The following BCAR3 variants were observed in gnomAD, a reference collection of about 807,000 sequenced individuals.
BCAR3 encodes breast cancer anti-estrogen resistance protein 3.
BCAR3 carries 37 observed loss-of-function variants against 80.1 expected under a neutral mutation model. The ratio of observed to expected loss-of-function variants is 0.46; its 90% CI spans 0.36 to 0.61. The LOEUF is 0.61. Among genes scored for constraint, BCAR3 ranks in the 20% least tolerant of loss-of-function variants. BCAR3 has a pLI of 0.00. For synonymous variants in BCAR3, 389 were observed against 418.9 expected (o/e 0.93, Z 0.87); for missense variants, 978 against 1,068.2 (o/e 0.92, Z 1.18).
intron 3 of BCAR3, among the ~76,000 whole-genome samples, chr1:93,622,378 G>A (rs1480297487): frequency 6.6e-6 from 1 of 152,204 alleles, no homozygotes; most frequent in Non-Finnish European, 1.5e-5. Flanking sequence ...GAAGCACGGA[G>A]AACACCTGGT....
intron 3 of BCAR3, among the ~76,000 whole-genome samples, chr1:93,699,073 A>G (rs1649538423): frequency 6.6e-6 from 1 of 152,136 alleles, no homozygotes; most frequent in African/African-American, 2.4e-5. Flanking sequence ...TGCTGTACAT[A>G]TATGTTCATA....
At chr1:93,624,452 A>G (rs1377711020) in intron 3 of BCAR3, among the ~76,000 whole-genome samples, 1 of 152,194 alleles carries the variant, frequency 6.6e-6, no homozygotes, top group Non-Finnish European at 1.5e-5. Flanking sequence ...GAAGTTTGGG[A>G]GCCCCTGCTC....
chr1:93,796,816 T>G (rs1031926263), intron 2 of BCAR3, among the ~76,000 whole-genome samples: 2 of 152,242 alleles, frequency 1.3e-5, no homozygotes, highest in African/African-American at 4.8e-5. Flanking sequence ...GACAGAACAA[T>G]TCTTCCTGAA....
intron 2 of BCAR3, among the ~76,000 whole-genome samples, chr1:93,731,947 G>T (rs945074491): frequency 2.0e-5 from 3 of 152,208 alleles, no homozygotes; most frequent in African/African-American, 7.2e-5. Flanking sequence ...TAGAAGCAGA[G>T]GCCCCGTGGG....
At chr1:93,612,402 A>G (rs1337546003) in intron 3 of BCAR3, among the ~76,000 whole-genome samples, 2 of 152,138 alleles carry the variant, frequency 1.3e-5, no homozygotes, top group Non-Finnish European at 1.5e-5. Context: ...CGACTACCCC[A>G]TATATTAAGT....
chr1:93,764,480 C>T (rs1338434461), intron 2 of BCAR3, among the ~76,000 whole-genome samples: 1 of 152,118 alleles, frequency 6.6e-6, no homozygotes, highest in African/African-American at 2.4e-5. Flanking sequence ...AGGCACCAAG[C>T]CCTACAGAGT....
At chr1:93,588,949 T>G in intron 5 of BCAR3, 28 bp downstream of exon 5, 3 of 1,520,946 alleles carry the variant, frequency 2.0e-6, no homozygotes, top group Non-Finnish European at 2.6e-6. Context: ...GCGCCCCTCA[T>G]AGTCCTGCAG....
intron 2 of BCAR3, among the ~76,000 whole-genome samples, chr1:93,835,604 C>G (rs1184042444): frequency 1.3e-5 from 2 of 152,194 alleles, no homozygotes; most frequent in Non-Finnish European, 2.9e-5. Context: ...TAGCCTGACT[C>G]TTAGAACCTC....
At chr1:93,716,359 G>A (rs1650190128) in intron 2 of BCAR3, among the ~76,000 whole-genome samples, 2 of 152,270 alleles carry the variant, frequency 1.3e-5, no homozygotes, top group South Asian at 2.1e-4. Flanking sequence ...TGAAGTCAGC[G>A]GAACTGGGTA....
intron 3 of BCAR3, among the ~76,000 whole-genome samples, chr1:93,601,631 T>C (rs1229830041): frequency 6.6e-6 from 1 of 152,264 alleles, no homozygotes; most frequent in Non-Finnish European, 1.5e-5. Flanking sequence ...TGTATGTAGA[T>C]TCTGTCTTCT....
Position 93,582,587 on chromosome 1 carries a change from C to A in BCAR3, c.1400G>T (p.Gly467Val). 6.2e-7 allele frequency: 1 copy of A among 1,613,612 alleles called. No homozygotes were observed. The highest frequency in any genetic ancestry group is 8.5e-7 in the Non-Finnish European group (1 of 1,179,842). ...LLTAKQNEAP[G>V]PRNSGVNYLI... ...GTAGTTGACGCCAGAGTTCCGGGGACCTGGCGCCTCATTCTGCTTGGCTGT... is the reference window on the plus strand; with the variant it reads ...GTAGTTGACGCCAGAGTTCCGGGGAACTGGCGCCTCATTCTGCTTGGCTGT... Residue 467 changes from glycine (G) to valine (V), a missense_variant, in exon 7 of 12, where the codon GGT becomes GTT. Gly to Val is a moderately radical substitution (Grantham distance 109). Coordinates refer to ENST00000260502, the MANE Select transcript of BCAR3 (RefSeq NM_003567.4).
At chr1:93,768,805 G>A (rs928103812) in intron 2 of BCAR3, among the ~76,000 whole-genome samples, 3 of 152,110 alleles carry the variant, frequency 2.0e-5, no homozygotes, top group African/African-American at 4.8e-5. Context: ...AAACAAACAG[G>A]GCGCTGCCTG....
At position 93,822,361 on chromosome 1, in the gene BCAR3, C is replaced by T. The variant is rs921134177; in HGVS notation, c.-63+23206G>A. Among the ~76,000 whole-genome samples the T allele has an allele frequency of 7.5e-5, 11 of 145,914 alleles. No individual in the cohort carries two copies. The East Asian group carries it at 8.0e-4, about 11-fold the overall frequency. On this transcript the variant is annotated intron_variant, in intron 2 of 13. Coordinates refer to the BCAR3 transcript ENST00000370244. ...ATGGCTAATTTTTTTTTTTTTGAGA[C>T]GGAGTTTTGCTCTTGTTGTCCAGGC...
intron 5 of BCAR3, among the ~76,000 whole-genome samples, chr1:93,585,931 A>C (rs151267530): frequency 1.3e-5 from 2 of 152,132 alleles, no homozygotes; most frequent in Admixed American, 1.3e-4. Context: ...AATTTTGTGC[A>C]TACATAGTAG....
chr1:93,827,926 T>A (rs1417611010), intron 2 of BCAR3, among the ~76,000 whole-genome samples: 2 of 152,086 alleles, frequency 1.3e-5, no homozygotes, highest in East Asian at 3.9e-4. Context: ...TCTCTGACCT[T>A]CTCCCACCCT....
At chr1:93,605,693 C>T (rs1260664433) in intron 3 of BCAR3, 1 of 152,236 alleles carries the variant, frequency 6.6e-6, no homozygotes, top group Non-Finnish European at 1.5e-5. Flanking sequence ...AGCTATTCAT[C>T]AAACCAGATG....
intron 2 of BCAR3, among the ~76,000 whole-genome samples, chr1:93,726,216 C>T (rs918233651): frequency 6.6e-6 from 1 of 152,100 alleles, no homozygotes; most frequent in Admixed American, 6.5e-5. Context: ...AAGTGCATAC[C>T]ACCATGCCCA....
intron 2 of BCAR3, among the ~76,000 whole-genome samples, chr1:93,670,550 G>A (rs1648154117): frequency 6.6e-6 from 1 of 152,180 alleles, no homozygotes. Context: ...ACTGTCTGGG[G>A]AAGGCCCTAT....
At position 93,592,645 on chromosome 1, in the gene BCAR3, T is replaced by A; in HGVS notation, c.358-252A>T. Reference sequence around the variant, plus strand: ...CAAGAGGTTCCTTTTACCAGTCTACTCAAGCAGCTGGGCAGGAAGGGCCAG... The same window carrying A: ...CAAGAGGTTCCTTTTACCAGTCTACACAAGCAGCTGGGCAGGAAGGGCCAG... On this transcript the variant is annotated intron_variant, in intron 3 of 11. Transcript: ENST00000260502. This position sits in a 1 kb window ranked among gnomAD's most constrained non-coding sequence, Gnocchi z 4.8. 1 of 394,344 alleles carries A rather than the reference T, an allele frequency of 2.5e-6. No individual in the cohort carries two copies. The highest frequency in any genetic ancestry group is 4.6e-6 in the Non-Finnish European group (1 of 219,266). 24.4% of individuals were successfully genotyped at this position (394,344 alleles called of 1,614,324 possible).
Sources: gnomAD v4.1 joint callset for allele counts (sites outside exome capture counted in the v4.1 genomes callset) on GRCh38, gnomAD v4.1.1 for gene constraint, Gnocchi (gnomAD v3.1) non-coding constraint, MANE v1.5 for transcripts, NCBI Gene and HGNC (gene_info 2026-07-23, HGNC 2026-07-21) for gene names.